MAL2: variants seen among roughly 807,000 people sequenced by gnomAD.
MAL2 encodes the protein mal, T cell differentiation protein 2.
MAL2 carries 17 observed loss-of-function variants against 18.1 expected under a neutral mutation model. That is an observed-to-expected ratio of 0.94 (90% CI 0.64 to 1.41). The LOEUF (loss-of-function observed/expected upper bound fraction) is 1.41. Among genes scored for constraint, MAL2 ranks in the 40% most tolerant of loss-of-function variants. The pLI is 0.00. For missense variants in MAL2, 222 were observed against 231.9 expected (o/e 0.96, Z 0.28); for synonymous variants, 102 against 102.3 (o/e 1.00, Z 0.02).
rs1389591088 is a variant in MAL2 at position 119,245,107 on chromosome 8, AGAC to A, written c.*1620_*1622del. On this transcript the variant is annotated 3_prime_UTR_variant, in exon 4 of 4. Transcript: ENST00000614891. ...ATCTTGGTTTGTGATAAAAATATAA[AGAC>A]AGAAGACATGAGGAAAAACAAAAGG... The A allele has an allele frequency of 2.6e-5, 4 of 152,618 alleles. No homozygotes were observed. Among genetic ancestry groups the A allele is most frequent in the African/African-American group, 9.7e-5 (4 of 41,450 alleles). The allele number at this position is 152,618 out of a possible 1,614,324, so 9.5% of individuals were successfully genotyped here. A position where few individuals can be genotyped will look rare whatever the true frequency, so the allele number is the denominator to read the frequency against.
In MAL2 at chr8:119,208,490, G is replaced by T; in HGVS notation, c.18G>T (p.Ala6=). Residue 6 remains alanine, a synonymous_variant, in exon 1 of 4, where the codon GCG becomes GCT. Transcript: ENST00000614891. This position sits in a 1 kb window ranked among gnomAD's most constrained non-coding sequence, Gnocchi z 4.3. Reference sequence around the variant, plus strand: ...GCGGCAGCATGTCGGCCGGCGGAGCGTCAGTCCCGCCGCCCCCGAACCCCG... The same window carrying T: ...GCGGCAGCATGTCGGCCGGCGGAGCTTCAGTCCCGCCGCCCCCGAACCCCG... MSAGG[A]SVPPPPNPAV... 7.8e-7 allele frequency: 1 copy of T among 1,287,648 alleles called. No homozygotes were observed. Among genetic ancestry groups the T allele is most frequent in the Non-Finnish European group, 9.8e-7 (1 of 1,016,786 alleles). 79.8% of individuals were successfully genotyped at this position (1,287,648 alleles called of 1,614,324 possible).
rs1452020729 is a variant in MAL2, at chr8:119,245,097, A to T, written c.*1609A>T. On this transcript the variant is annotated 3_prime_UTR_variant, in exon 4 of 4. Coordinates refer to ENST00000614891, the MANE Select transcript of MAL2 (RefSeq NM_052886.3). ...ACCCTGTTAGATCTTGGTTTGTGAT[A>T]AAAATATAAAGACAGAAGACATGAG... is the stretch of plus-strand genomic sequence containing the variant. The T allele has an allele frequency of 6.6e-6, 1 of 152,578 alleles. No individual in the cohort carries two copies. The highest frequency in any genetic ancestry group is 2.4e-5 in the African/African-American group (1 of 41,446). The allele number at this position is 152,578 out of a possible 1,614,324, so 9.5% of individuals were successfully genotyped here. A position where few individuals can be genotyped will look rare whatever the true frequency, so the allele number is the denominator to read the frequency against.
intron 2 of MAL2, among the ~76,000 whole-genome samples, chr8:119,232,109 T>A: frequency 6.6e-6 from 1 of 152,140 alleles, no homozygotes; most frequent in Admixed American, 6.5e-5. Context: ...TATATTTTTT[T>A]ATATATTTAT....
intron 2 of MAL2, among the ~76,000 whole-genome samples, chr8:119,235,318 G>C (rs368688927): frequency 0.08 from 12,211 of 152,184 alleles, 560 homozygotes; most frequent in Non-Finnish European, 0.11. Flanking sequence ...CCAAATCTAC[G>C]TCTGATTGGG....
At chr8:119,225,913 G>A (rs1817585564) in intron 2 of MAL2, among the ~76,000 whole-genome samples, 1 of 152,196 alleles carries the variant, frequency 6.6e-6, no homozygotes, top group Non-Finnish European at 1.5e-5. Context: ...CTGCATAAAT[G>A]TCTTCTTTTG....
chr8:119,208,414 GGGAGGCGGAGGC>G lies in MAL2; in HGVS notation c.-56_-45del, dbSNP rs527586521. The G allele has an allele frequency of 2.0e-6, 2 of 997,394 alleles. No homozygotes were observed. Among genetic ancestry groups the G allele is most frequent in the African/African-American group, 3.5e-5 (2 of 57,168 alleles). The allele number at this position is 997,394 out of a possible 1,614,324, so 61.8% of individuals were successfully genotyped here. A position where few individuals can be genotyped will look rare whatever the true frequency, so the allele number is the denominator to read the frequency against. On this transcript the variant is annotated 5_prime_UTR_variant, in exon 1 of 4. Coordinates refer to ENST00000614891, the MANE Select transcript of MAL2 (RefSeq NM_052886.3). The surrounding 1 kb of genome is among the most constrained non-coding windows in gnomAD (Gnocchi z 4.3). The stretch of plus-strand genomic sequence containing the variant: ...GCGGCGGCGGCGGCGGCAGGAGCCC[GGGAGGCGGAGGC>G]GGGAGGCGGCGGCGGCGCGCGGAGA...
At chr8:119,227,209 G>T (rs1029188621) in intron 2 of MAL2, among the ~76,000 whole-genome samples, 1 of 152,196 alleles carries the variant, frequency 6.6e-6, no homozygotes, top group African/African-American at 2.4e-5. Flanking sequence ...GAAAAGCCTA[G>T]CATGCCAAAA....
intron 3 of MAL2, among the ~76,000 whole-genome samples, chr8:119,242,286 T>C (rs1818063214): frequency 1.3e-5 from 2 of 152,220 alleles, no homozygotes; most frequent in African/African-American, 4.8e-5. Context: ...AATGTAGTTC[T>C]GTTCTGGCTG....
At chr8:119,213,676 A>T (rs1207865040) in intron 1 of MAL2, among the ~76,000 whole-genome samples, 2 of 152,100 alleles carry the variant, frequency 1.3e-5, no homozygotes, top group Non-Finnish European at 2.9e-5. Context: ...AAAATTAGCC[A>T]GGTGTGGTGG....
intron 1 of MAL2, among the ~76,000 whole-genome samples, chr8:119,220,050 G>A (rs1187462632): frequency 6.6e-6 from 1 of 152,148 alleles, no homozygotes; most frequent in African/African-American, 2.4e-5. Context: ...GAGGGGCATA[G>A]TGGCAAGAGA....
intron 2 of MAL2, among the ~76,000 whole-genome samples, chr8:119,232,086 T>A (rs115350557): frequency 0.015 from 2,282 of 149,064 alleles, 61 homozygotes; most frequent in African/African-American, 0.057. Flanking sequence ...AAAGATAATT[T>A]TGGGAGGTTT....
intron 2 of MAL2, 110 bp downstream of exon 2, chr8:119,221,867 CG>C: frequency 8.6e-7 from 1 of 1,168,280 alleles, no homozygotes; most frequent in Non-Finnish European, 1.2e-6. Flanking sequence ...GGGAGAGAAG[CG>C]GTCCAACCAC....
At chr8:119,216,447 T>C (rs1037020827) in intron 1 of MAL2, among the ~76,000 whole-genome samples, 8 of 152,184 alleles carry the variant, frequency 5.3e-5, no homozygotes, top group African/African-American at 1.9e-4. Context: ...GTAGGAATAA[T>C]AATGTTGTCT....
At position 119,222,660 on chromosome 8, in the gene MAL2, TCTACAAAAA is replaced by T. The variant is rs564065773; in HGVS notation, c.303+913_303+921del. 1.2e-4 allele frequency among the ~76,000 whole-genome samples: 18 copies of T among 152,008 alleles called. No homozygotes were observed. The East Asian group carries it at 2.7e-3, about 23-fold the overall frequency. On this transcript the variant is annotated intron_variant, in intron 2 of 3. Coordinates refer to ENST00000614891, the MANE Select transcript of MAL2 (RefSeq NM_052886.3). ...CTGGGAAACATGGTGTAACCCTGTC[TCTACAAAAA>T]CTACAAAAAATATCTGGACATGGTG...
chr8:119,239,498 T>C (rs1817997719), intron 2 of MAL2, among the ~76,000 whole-genome samples: 1 of 152,030 alleles, frequency 6.6e-6, no homozygotes, highest in African/African-American at 2.4e-5. Flanking sequence ...TTATTCACAG[T>C]AGCAAAGACT....
chr8:119,217,871 C>T (rs534411534), intron 1 of MAL2, among the ~76,000 whole-genome samples: 7 of 151,994 alleles, frequency 4.6e-5, no homozygotes, highest in East Asian at 1.9e-4. Context: ...CACTAATGCC[C>T]GGAATTAGAG....
intron 2 of MAL2, among the ~76,000 whole-genome samples, chr8:119,238,470 C>T (rs1016175501): frequency 6.6e-6 from 1 of 151,978 alleles, no homozygotes; most frequent in East Asian, 1.9e-4. Flanking sequence ...ATCGCCAAGT[C>T]AATCCTAAGC....
intron 2 of MAL2, among the ~76,000 whole-genome samples, chr8:119,225,963 GGTT>G (rs1438987879): frequency 2.0e-5 from 3 of 151,976 alleles, no homozygotes; most frequent in African/African-American, 2.4e-5. Flanking sequence ...TTTTTGATGG[GGTT>G]GTTTTTTTCT....
At chr8:119,213,435 T>C (rs1321763397) in intron 1 of MAL2, among the ~76,000 whole-genome samples, 2 of 152,212 alleles carry the variant, frequency 1.3e-5, no homozygotes. Context: ...GAGGGAGCTG[T>C]CCATGGACAT....
Sources: gnomAD v4.1 joint callset for allele counts (sites outside exome capture counted in the v4.1 genomes callset) on GRCh38, gnomAD v4.1.1 for gene constraint, Gnocchi (gnomAD v3.1) non-coding constraint, MANE v1.5 for transcripts, NCBI Gene and HGNC (gene_info 2026-07-23, HGNC 2026-07-21) for gene names.